RYR3: variants seen among roughly 807,000 people sequenced by gnomAD.
RYR3 encodes ryanodine receptor 3.
RYR3 carries 207 observed loss-of-function variants against 584.3 expected under a neutral mutation model. The ratio of observed to expected loss-of-function variants is 0.35; its 90% CI spans 0.32 to 0.40. The LOEUF is 0.40. Among genes scored for constraint, RYR3 ranks in the 10% least tolerant of loss-of-function variants. The probability of loss-of-function intolerance (pLI) is 1.00; values close to 1 mark genes in which losing one functional copy is unlikely to be tolerated. For missense variants in RYR3, 5,616 were observed against 6,089.2 expected (o/e 0.92, Z 2.59); for synonymous variants, 2,416 against 2,248.5 (o/e 1.07, Z -2.11).
At chr15:33,601,646 C>A in intron 17 of RYR3, 94 bp downstream of exon 17, 2 of 1,392,082 alleles carry the variant, frequency 1.4e-6, no homozygotes, top group Admixed American at 1.8e-5. Context: ...TCCAAAGTTG[C>A]CCACCCATTG....
intron 38 of RYR3, among the ~76,000 whole-genome samples, chr15:33,672,997 A>G (rs1406910610): frequency 6.6e-6 from 1 of 152,220 alleles, no homozygotes. Flanking sequence ...GAGTAAAGCT[A>G]TGGCTTGAAG....
intron 60 of RYR3, among the ~76,000 whole-genome samples, chr15:33,758,597 TC>T (rs1197994557): frequency 6.6e-6 from 1 of 152,080 alleles, no homozygotes; most frequent in Non-Finnish European, 1.5e-5. Flanking sequence ...CTTTCTACAT[TC>T]CTCCTCTCTG....
chr15:33,356,859 A>G (rs543862131), intron 1 of RYR3, among the ~76,000 whole-genome samples: 10 of 152,314 alleles, frequency 6.6e-5, no homozygotes, highest in African/African-American at 2.4e-4. Flanking sequence ...AATCACAGGT[A>G]GTAATAATTA....
intron 14 of RYR3, among the ~76,000 whole-genome samples, 194 bp downstream of exon 14, chr15:33,581,837 T>A (rs1167881522): frequency 6.6e-6 from 1 of 152,190 alleles, no homozygotes; most frequent in South Asian, 2.1e-4. Context: ...TGGAAGCAGA[T>A]GATAATCAGT....
At chr15:33,653,627 A>G (rs1173687806) in intron 32 of RYR3, among the ~76,000 whole-genome samples, 3 of 151,698 alleles carry the variant, frequency 2.0e-5, no homozygotes, top group Non-Finnish European at 2.9e-5. Context: ...CTGAGATCAC[A>G]CCACTGCACC....
intron 1 of RYR3, among the ~76,000 whole-genome samples, chr15:33,428,940 G>T (rs2044882872): frequency 6.6e-6 from 1 of 152,182 alleles, no homozygotes; most frequent in South Asian, 2.1e-4. Context: ...TCCTGAAGCT[G>T]CTGAGATTCT....
chr15:33,693,457 C>A (rs2065599127), intron 38 of RYR3, among the ~76,000 whole-genome samples: 1 of 152,220 alleles, frequency 6.6e-6, no homozygotes, highest in Non-Finnish European at 1.5e-5. Context: ...CACTGCACAC[C>A]AAAGGAGACA....
At chr15:33,789,996 T>TTTTTTTTTTTTTTTTTA (rs2075054000) in intron 67 of RYR3, among the ~76,000 whole-genome samples, 1 of 97,078 alleles carries the variant, frequency 1.0e-5, no homozygotes, top group Non-Finnish European at 2.1e-5. Context: ...CTTTTTTTTT[T>TTTTTTTTTTTTTTTTTA]TTTTTTTTTT....
intron 3 of RYR3, among the ~76,000 whole-genome samples, chr15:33,522,492 T>C (rs78865009): frequency 0.018 from 2,803 of 152,230 alleles, 74 homozygotes; most frequent in African/African-American, 0.065. Flanking sequence ...CGGCTTTAGA[T>C]TCGTATTAAT....
At chr15:33,535,275 C>T (rs1034209835) in intron 5 of RYR3, among the ~76,000 whole-genome samples, 15 of 152,190 alleles carry the variant, frequency 9.9e-5, no homozygotes, top group Non-Finnish European at 1.5e-4. Context: ...GCATCCAAAC[C>T]GTGTGTACTT....
chr15:33,717,504 T>C (rs1156360859), intron 43 of RYR3, among the ~76,000 whole-genome samples: 2 of 152,136 alleles, frequency 1.3e-5, no homozygotes, highest in African/African-American at 2.4e-5. Flanking sequence ...CTAAAAGATA[T>C]CTGAAATCTA....
chr15:33,381,243 G>GCC (rs2041169943), intron 1 of RYR3, among the ~76,000 whole-genome samples: 1 of 152,094 alleles, frequency 6.6e-6, no homozygotes, highest in East Asian at 1.9e-4. Context: ...TCTTAGAAAT[G>GCC]CCCGAGACCC....
chr15:33,561,342 G>C (rs73386537), intron 10 of RYR3, among the ~76,000 whole-genome samples: 1 of 152,166 alleles, frequency 6.6e-6, no homozygotes, highest in Non-Finnish European at 1.5e-5. Flanking sequence ...CCTTTACAGA[G>C]GTAACCTCTG....
intron 38 of RYR3, among the ~76,000 whole-genome samples, chr15:33,691,086 T>G (rs1369250097): frequency 6.6e-6 from 1 of 152,194 alleles, no homozygotes; most frequent in Non-Finnish European, 1.5e-5. Context: ...TAATTATGGA[T>G]ATTCTTCTGT....
At chr15:33,626,401 T>A (rs1378223320) in intron 20 of RYR3, among the ~76,000 whole-genome samples, 1 of 152,116 alleles carries the variant, frequency 6.6e-6, no homozygotes, top group Non-Finnish European at 1.5e-5. Flanking sequence ...GGGGAAGAAA[T>A]TTCTAAGCAG....
chr15:33,488,041 G>T (rs1485627471), intron 2 of RYR3, among the ~76,000 whole-genome samples: 1 of 151,982 alleles, frequency 6.6e-6, no homozygotes, highest in Non-Finnish European at 1.5e-5. Flanking sequence ...ACCCATAGTA[G>T]AAAAGAAAAA....
chr15:33,742,490 C>A, intron 52 of RYR3, 46 bp downstream of exon 52: 1 of 1,294,998 alleles, frequency 7.7e-7, no homozygotes. Flanking sequence ...GGAAAAACAG[C>A]CCAAGAACAT....
At chr15:33,339,644 C>T (rs1971562527) in intron 1 of RYR3, among the ~76,000 whole-genome samples, 1 of 152,166 alleles carries the variant, frequency 6.6e-6, no homozygotes, top group Admixed American at 6.5e-5. Context: ...AATCCCAGCA[C>T]TTTGGGAGGC....
chr15:33,807,499 C>G (rs1456882813), intron 69 of RYR3, 56 bp from the exon 70 acceptor site: 2 of 1,540,040 alleles, frequency 1.3e-6, no homozygotes, highest in Admixed American at 2.0e-5. Context: ...CCTTAGAGCC[C>G]TGCTTTTACT....
Sources: gnomAD v4.1 joint callset for allele counts (sites outside exome capture counted in the v4.1 genomes callset) on GRCh38, gnomAD v4.1.1 for gene constraint, MANE v1.5 for transcripts, NCBI Gene and HGNC (gene_info 2026-07-23, HGNC 2026-07-21) for gene names.